The following C2CD3 variants were observed in gnomAD, a reference collection of about 807,000 sequenced individuals.
The protein encoded by C2CD3 is C2 domain-containing protein 3.
Under a neutral mutation model 234.0 loss-of-function variants are expected in C2CD3, and 148 were observed. The ratio of observed to expected loss-of-function variants is 0.63; its 90% CI spans 0.55 to 0.72. The LOEUF is 0.72. Among genes scored for constraint, C2CD3 ranks in the 30% least tolerant of loss-of-function variants. The pLI is 0.00. For missense variants in C2CD3, 2,577 were observed against 2,811.5 expected (o/e 0.92, Z 1.89); for synonymous variants, 1,000 against 1,035.4 (o/e 0.97, Z 0.66).
intron 22 of C2CD3, 70 bp from the exon 23 acceptor site, chr11:74,078,787 C>T (rs1591409160): frequency 8.6e-6 from 12 of 1,387,448 alleles, no homozygotes; most frequent in South Asian, 4.3e-5. Flanking sequence ...ACTTACTCTC[C>T]ACCCCATAGT....
chr11:74,037,459 GA>G lies in C2CD3; in HGVS notation c.5881+18del. The G allele has an allele frequency of 6.3e-7, 1 of 1,590,354 alleles. No individual in the cohort carries two copies. The highest frequency in any genetic ancestry group is 8.6e-7 in the Non-Finnish European group (1 of 1,158,862). ...CCTAGTGACCATAACATCTCAACAA[GA>G]AAGGATCTGAGTCATACCTGTGATT... On this transcript the variant is annotated intron_variant, in intron 30 of 32. Transcript: ENST00000334126.
At chr11:74,055,666 C>T (rs1051675808) in intron 25 of C2CD3, among the ~76,000 whole-genome samples, 12 of 152,216 alleles carry the variant, frequency 7.9e-5, no homozygotes, top group Non-Finnish European at 1.3e-4. Context: ...ATGCACTTAG[C>T]TTCTTCCAGG....
At chr11:74,127,534 T>G (rs578253244) in intron 7 of C2CD3, among the ~76,000 whole-genome samples, 121 of 152,148 alleles carry the variant, frequency 8.0e-4, no homozygotes, top group Admixed American at 2.7e-3. Flanking sequence ...TGAACATTCA[T>G]GTACACATTT....
At chr11:74,161,314 G>A in intron 3 of C2CD3, 85 bp downstream of exon 3, 1 of 743,850 alleles carries the variant, frequency 1.3e-6, no homozygotes, top group Non-Finnish European at 2.1e-6. Context: ...CAGGAGCCAT[G>A]GACCTATCCA....
intron 29 of C2CD3, among the ~76,000 whole-genome samples, chr11:74,040,758 GA>G (rs993248844): frequency 6.6e-6 from 1 of 151,746 alleles, no homozygotes; most frequent in Non-Finnish European, 1.5e-5. Context: ...CCCATCTCAA[GA>G]AAAACAAAAA....
At chr11:74,162,513 A>G (rs998748703) in intron 2 of C2CD3, among the ~76,000 whole-genome samples, 5 of 152,228 alleles carry the variant, frequency 3.3e-5, no homozygotes, top group Non-Finnish European at 7.3e-5. Context: ...AAACTATAAC[A>G]GAGATAACAA....
rs768947405 is a variant in C2CD3 at position 74,013,516 on chromosome 11, C to T, written c.6931G>A (p.Glu2311Lys). 20 of 1,351,136 alleles carry T rather than the reference C, an allele frequency of 1.5e-5. No individual in the cohort carries two copies. The highest frequency in any genetic ancestry group is 1.2e-4 in the East Asian group (4 of 33,394). The allele number at this position is 1,351,136 out of a possible 1,614,324, so 83.7% of individuals were successfully genotyped here. ...PAATTDQDKS[E>K]ATRGALSQRP... is the part of the protein sequence containing the mutation. ...TGGGAGAGAGCTCCCCTGGTGGCTTCGCTCTTGTCCTGGAGAGGAAGAAGT... is the reference window on the plus strand; with the variant it reads ...TGGGAGAGAGCTCCCCTGGTGGCTTTGCTCTTGTCCTGGAGAGGAAGAAGT... Residue 2311 changes from glutamate (E) to lysine (K), a missense_variant, in exon 33 of 33, where the codon GAA becomes AAA. By Grantham distance (56) the Glu-to-Lys change is moderately conservative. Transcript: ENST00000334126.
At chr11:74,070,170 T>C (rs569887589) in intron 24 of C2CD3, among the ~76,000 whole-genome samples, 15 of 152,386 alleles carry the variant, frequency 9.8e-5, no homozygotes, top group Admixed American at 2.0e-4. Context: ...AATATAAGTA[T>C]ACAAACCTTA....
At chr11:74,143,616 C>G (rs905854615) in intron 3 of C2CD3, among the ~76,000 whole-genome samples, 2 of 150,454 alleles carry the variant, frequency 1.3e-5, no homozygotes, top group East Asian at 3.9e-4. Context: ...AAACTGCTGG[C>G]CTTAAGTGAT....
At position 74,090,887 on chromosome 11, in the gene C2CD3, C is replaced by A; in HGVS notation, c.3567G>T (p.Glu1189Asp). The A allele has an allele frequency of 6.2e-7, 1 of 1,613,922 alleles. No homozygotes were observed. Among genetic ancestry groups the A allele is most frequent in the Non-Finnish European group, 8.5e-7 (1 of 1,179,806 alleles). The change falls in exon 20 of 33, where the codon GAG becomes GAT. Residue 1189 changes from glutamate to aspartate, a missense_variant. Glu to Asp is a conservative substitution (Grantham distance 45). Transcript: ENST00000334126. ...LRYRRSPRTA[E>D]GVLAARTVSI... ...AAACAGTTCGGGCAGCAAGAACTCC[C>A]TCTGCTGTTCTTGGACTACGCCTGT... is the stretch of plus-strand genomic sequence containing the variant.
At chr11:74,030,934 C>G (rs1201633917) in intron 31 of C2CD3, among the ~76,000 whole-genome samples, 1 of 152,160 alleles carries the variant, frequency 6.6e-6, no homozygotes, top group Non-Finnish European at 1.5e-5. Flanking sequence ...TCTATCTAAT[C>G]CTCTCAGATC....
At chr11:74,077,996 C>T in intron 23 of C2CD3, 119 bp downstream of exon 23, 1 of 1,234,108 alleles carries the variant, frequency 8.1e-7, no homozygotes, top group South Asian at 1.5e-5. Context: ...GGTATAATAC[C>T]TATCTCACAG....
At chr11:74,076,485 C>G (rs1015851426) in intron 23 of C2CD3, among the ~76,000 whole-genome samples, 1 of 152,210 alleles carries the variant, frequency 6.6e-6, no homozygotes, top group Non-Finnish European at 1.5e-5. Context: ...ACTACAGTCA[C>G]TAGCTTTATT....
chr11:74,023,190 G>C (rs941491045), intron 32 of C2CD3, among the ~76,000 whole-genome samples: 3 of 152,170 alleles, frequency 2.0e-5, no homozygotes, highest in Admixed American at 6.5e-5. Context: ...TCTTGTCTTC[G>C]ATCATGTGGG....
intron 7 of C2CD3, among the ~76,000 whole-genome samples, chr11:74,126,353 T>C (rs1485439110): frequency 6.6e-6 from 1 of 152,204 alleles, no homozygotes; most frequent in South Asian, 2.1e-4. Flanking sequence ...TCTTGGTGTA[T>C]CTTTTTTCAT....
At chr11:74,084,432 TAA>T (rs58232839) in intron 22 of C2CD3, among the ~76,000 whole-genome samples, 71 of 134,746 alleles carry the variant, frequency 5.3e-4, no homozygotes, top group Admixed American at 7.3e-4. Flanking sequence ...TAAAGTATAA[TAA>T]AAAAAAAAAA....
chr11:74,040,647 T>G (rs2135420223), intron 29 of C2CD3, among the ~76,000 whole-genome samples: 1 of 152,052 alleles, frequency 6.6e-6, no homozygotes, highest in Admixed American at 6.5e-5. Context: ...TCCCAGCTAC[T>G]TGGGAGTTTG....
intron 27 of C2CD3, among the ~76,000 whole-genome samples, chr11:74,048,920 G>T (rs540350254): frequency 1.6e-3 from 248 of 152,264 alleles, no homozygotes; most frequent in African/African-American, 5.7e-3. Flanking sequence ...CTCCTTGAAA[G>T]AGTTGTCTAC....
chr11:74,156,459 CAAAAAAAAAAAAA>C (rs530606913), intron 3 of C2CD3, among the ~76,000 whole-genome samples: 443 of 40,946 alleles, frequency 0.011, 8 homozygotes, highest in African/African-American at 0.033. Context: ...GACCCTATCT[CAAAAAAAAAAAAA>C]AAAAAAAAAA....
Sources: gnomAD v4.1 joint callset for allele counts (sites outside exome capture counted in the v4.1 genomes callset) on GRCh38, gnomAD v4.1.1 for gene constraint, MANE v1.5 for transcripts, NCBI Gene and HGNC (gene_info 2026-07-23, HGNC 2026-07-21) for gene names.